FMN2: variants seen among roughly 807,000 people sequenced by gnomAD.
The protein encoded by FMN2 is formin 2.
A neutral mutation model predicts 142.3 loss-of-function variants in FMN2; 51 were observed. That is an observed-to-expected ratio of 0.36 (90% CI 0.29 to 0.45). FMN2 has a LOEUF of 0.45. FMN2 is among the 20% of genes least tolerant of loss of function. The probability of loss-of-function intolerance (pLI) is 1.00; values close to 1 mark genes in which losing one functional copy is unlikely to be tolerated. For synonymous variants in FMN2, 882 were observed against 869.8 expected, an observed-to-expected ratio of 1.01 and a Z score of -0.25; for missense variants, 1,936 against 2,122.8, an observed-to-expected ratio of 0.91 and a Z score of 1.73.
At chr1:240,236,215 G>A (rs751733706) in intron 6 of FMN2, among the ~76,000 whole-genome samples, 2 of 152,114 alleles carry the variant, frequency 1.3e-5, no homozygotes, top group Non-Finnish European at 2.9e-5. Flanking sequence ...TGGTAGAAAG[G>A]TGATTTCCTT....
intron 2 of FMN2, among the ~76,000 whole-genome samples, chr1:240,163,899 G>T (rs923897431): frequency 3.3e-5 from 5 of 151,648 alleles, no homozygotes; most frequent in African/African-American, 1.2e-4. Context: ...TTAAGACAAG[G>T]TCTCCCTCTG....
At chr1:240,310,596 G>A (rs901857363) in intron 8 of FMN2, among the ~76,000 whole-genome samples, 2 of 152,180 alleles carry the variant, frequency 1.3e-5, no homozygotes, top group African/African-American at 4.8e-5. Context: ...AATCATTACA[G>A]TTTATTTAGG....
At position 240,207,652 on chromosome 1, in the gene FMN2, C is replaced by T. The variant is rs201741828; in HGVS notation, c.2840C>T (p.Pro947Leu). Residue 947 changes from proline (P) to leucine (L), a missense_variant, in exon 5 of 18, where the codon CCT (proline) becomes CTT (leucine). By Grantham distance (98) the Pro-to-Leu change is moderately conservative. This residue lies in a region of FMN2 where 478 missense variants were observed against 462.8 expected (regional missense o/e 1.03). Transcript: ENST00000319653. ...GGAGCGGGAATACCTCCTCCGCCCC[C>T]TCTACCCGGAGCGGCAATACCCCCT... ...LPGAGIPPPPPLPGAAIPPPP... is the reference protein window; with the variant it reads ...LPGAGIPPPPLLPGAAIPPPP... 0.011 allele frequency: 15,795 copies of T among 1,394,332 alleles called. 427 individuals are homozygous for T. The highest frequency in any genetic ancestry group is 0.012 in the East Asian group (467 of 39,020). The allele number at this position is 1,394,332 out of a possible 1,614,324, so 86.4% of individuals were successfully genotyped here.
At chr1:240,170,400 T>G in intron 2 of FMN2, 1 of 1,213,914 alleles carries the variant, frequency 8.2e-7, no homozygotes, top group South Asian at 1.2e-5. Context: ...GAAGTGTTGG[T>G]GAGGGAGTTG....
At chr1:240,212,042 G>A (rs962440322) in intron 6 of FMN2, among the ~76,000 whole-genome samples, 1 of 152,080 alleles carries the variant, frequency 6.6e-6, no homozygotes, top group African/African-American at 2.4e-5. Flanking sequence ...AGAGGTCTTG[G>A]AAGCAAAGGA....
At chr1:240,285,019 C>T (rs1452201487) in intron 7 of FMN2, among the ~76,000 whole-genome samples, 1 of 152,146 alleles carries the variant, frequency 6.6e-6, no homozygotes, top group East Asian at 1.9e-4. Flanking sequence ...TTTTCCTCTT[C>T]GTTTCCTTTT....
At chr1:240,396,912 C>T (rs1257995384) in intron 15 of FMN2, among the ~76,000 whole-genome samples, 1 of 152,156 alleles carries the variant, frequency 6.6e-6, no homozygotes, top group Non-Finnish European at 1.5e-5. Flanking sequence ...CTGTGATGAA[C>T]ATACGAGTGT....
chr1:240,393,168 T>C (rs1479164518), intron 15 of FMN2, among the ~76,000 whole-genome samples: 2 of 98,534 alleles, frequency 2.0e-5, no homozygotes, highest in Non-Finnish European at 3.8e-5. Flanking sequence ...TGCAGATAAG[T>C]GTATTTTTTT....
At chr1:240,173,545 G>A (rs1418300416) in intron 2 of FMN2, among the ~76,000 whole-genome samples, 2 of 152,168 alleles carry the variant, frequency 1.3e-5, no homozygotes, top group Non-Finnish European at 2.9e-5. Flanking sequence ...AGTGGGTAGA[G>A]CTGGAGAAGG....
At chr1:240,412,651 A>C (rs949319037) in intron 15 of FMN2, among the ~76,000 whole-genome samples, 5 of 152,180 alleles carry the variant, frequency 3.3e-5, no homozygotes, top group Non-Finnish European at 4.4e-5. Context: ...TTTAAAAAAA[A>C]AAGTGTGACA....
chr1:240,188,670 G>A (rs1350863502), intron 4 of FMN2, among the ~76,000 whole-genome samples: 1 of 152,176 alleles, frequency 6.6e-6, no homozygotes, highest in Non-Finnish European at 1.5e-5. Context: ...TATTACTTTG[G>A]TGGATGAAAC....
chr1:240,357,610 G>GTT (rs11293253), intron 14 of FMN2, among the ~76,000 whole-genome samples: 268 of 138,384 alleles, frequency 1.9e-3, no homozygotes, highest in East Asian at 0.018. Context: ...AACCTTACGG[G>GTT]TTTTTTTTTT....
At chr1:240,302,199 T>G (rs1670224763) in intron 8 of FMN2, among the ~76,000 whole-genome samples, 1 of 152,114 alleles carries the variant, frequency 6.6e-6, no homozygotes, top group Non-Finnish European at 1.5e-5. Flanking sequence ...TCATTAATAG[T>G]TCTTTTTTTG....
intron 6 of FMN2, among the ~76,000 whole-genome samples, chr1:240,252,320 T>C (rs1402619561): frequency 6.6e-6 from 1 of 152,196 alleles, no homozygotes; most frequent in African/African-American, 2.4e-5. Flanking sequence ...GGATCCTTCC[T>C]CTTCCTTATT....
At chr1:240,176,187 G>A (rs957551810) in intron 2 of FMN2, among the ~76,000 whole-genome samples, 1 of 152,102 alleles carries the variant, frequency 6.6e-6, no homozygotes, top group East Asian at 1.9e-4. Context: ...TGTAGTTTTA[G>A]GTCTTATGTT....
intron 3 of FMN2, among the ~76,000 whole-genome samples, chr1:240,186,990 A>G (rs1447359790): frequency 2.6e-5 from 4 of 151,890 alleles, no homozygotes; most frequent in Non-Finnish European, 4.4e-5. Flanking sequence ...CTGCTGGCCG[A>G]GCACGGTGGC....
intron 2 of FMN2, chr1:240,142,776 G>A (rs879015960): frequency 6.9e-6 from 11 of 1,593,066 alleles, no homozygotes; most frequent in South Asian, 2.2e-5. Flanking sequence ...GTGGGCCAAC[G>A]ACACTGGGGT....
intron 13 of FMN2, among the ~76,000 whole-genome samples, chr1:240,345,158 G>A (rs12130718): frequency 0.28 from 43,009 of 152,016 alleles, 6,396 homozygotes; most frequent in Admixed American, 0.43. Flanking sequence ...TTCTTCTTCA[G>A]CAAGGCTGTC....
intron 6 of FMN2, among the ~76,000 whole-genome samples, chr1:240,248,414 A>G (rs960473888): frequency 7.5e-6 from 1 of 132,782 alleles, no homozygotes; most frequent in Non-Finnish European, 1.6e-5. Context: ...GATACATTAT[A>G]GTACATACAT....
Sources: allele counts gnomAD v4.1 joint callset (sites outside exome capture counted in the v4.1 genomes callset), GRCh38; gene constraint gnomAD v4.1.1; regional missense constraint gnomAD v4.1.1; transcripts MANE v1.5; gene names NCBI Gene and HGNC (gene_info 2026-07-23, HGNC 2026-07-21).